The following S100A10 variants were observed in gnomAD, a reference collection of about 807,000 sequenced individuals.
S100A10 encodes protein S100-A10.
S100A10 carries 3 observed loss-of-function variants against 7.1 expected under a neutral mutation model. That is an observed-to-expected ratio of 0.42 (90% CI 0.19 to 1.10). The LOEUF (loss-of-function observed/expected upper bound fraction) is 1.10, where lower values mean the gene tolerates loss of function less well. Among genes scored for constraint, S100A10 ranks in the 50% least tolerant of loss-of-function variants. The pLI, the probability that S100A10 is intolerant of heterozygous loss-of-function variation, is 0.29. For synonymous variants in S100A10, 41 were observed against 39.3 expected, an observed-to-expected ratio of 1.04 and a Z score of -0.16; for missense variants, 101 against 118.1, an observed-to-expected ratio of 0.86 and a Z score of 0.67.
At chr1:151,983,369 G>C in intron 2 of S100A10, 45 bp from the exon 3 acceptor site, 1 of 1,297,184 alleles carries the variant, frequency 7.7e-7, no homozygotes, top group Non-Finnish European at 1.0e-6. Context: ...GTCAAAGGTT[G>C]CAATGAGGAG....
intron 1 of S100A10, among the ~76,000 whole-genome samples, chr1:151,988,791 T>C (rs1411374680): frequency 6.6e-6 from 1 of 151,772 alleles, no homozygotes; most frequent in Non-Finnish European, 1.5e-5. Context: ...TTACAGAGAG[T>C]CTGCCTTGCC....
At position 151,986,092 on chromosome 1, in the gene S100A10, C is replaced by T. The variant is rs1655781977; in HGVS notation, c.132+7G>A. On this transcript the variant is annotated splice_region_variant and intron_variant, in intron 2 of 2. Transcript: ENST00000368811. The stretch of plus-strand genomic sequence containing the variant: ...GTCTGGTTCTTTGTAAGCTTTTCAA[C>T]ACTTACTTCCAAAAATCCAGGGAAC... 2 of 1,584,658 alleles carry T rather than the reference C, an allele frequency of 1.3e-6. No homozygotes were observed. Among genetic ancestry groups the T allele is most frequent in the African/African-American group, 1.4e-5 (1 of 72,688 alleles).
intron 1 of S100A10, among the ~76,000 whole-genome samples, chr1:151,989,996 T>G (rs1291431703): frequency 1.3e-5 from 2 of 152,254 alleles, no homozygotes; most frequent in African/African-American, 4.8e-5. Flanking sequence ...TTTAAGCTTC[T>G]CTTGATTAAG....
chr1:151,983,670 A>C (rs1655740281), intron 2 of S100A10, among the ~76,000 whole-genome samples: 1 of 152,200 alleles, frequency 6.6e-6, no homozygotes, highest in Non-Finnish European at 1.5e-5. Context: ...TTAGGGAATA[A>C]GTTTTGGATC....
intron 2 of S100A10, chr1:151,984,176 A>G (rs964523715): frequency 6.6e-6 from 1 of 152,218 alleles, no homozygotes; most frequent in African/African-American, 2.4e-5. Flanking sequence ...CAGAGAGAGA[A>G]ATATGGCCTA....
chr1:151,984,313 A>G lies in S100A10; in HGVS notation c.133-989T>C, dbSNP rs184397463. 459 of 152,276 alleles carry G rather than the reference A, an allele frequency of 3.0e-3. 3 individuals are homozygous for G. The highest frequency in any genetic ancestry group is 0.01 in the African/African-American group (433 of 41,546). 9.4% of individuals were successfully genotyped at this position (152,276 alleles called of 1,614,324 possible). A position where few individuals can be genotyped will look rare whatever the true frequency, so the allele number is the denominator to read the frequency against. On this transcript the variant is annotated intron_variant, in intron 2 of 2. Transcript: ENST00000368811. ...TTCTAAATTGCACTCAGAAATTCCT[A>G]AAAGTATAGCAGCAGCATTTCCCAC... is the stretch of plus-strand genomic sequence containing the variant.
rs1274365967 is a variant in S100A10 at position 151,986,158 on chromosome 1, A to G, written c.73T>C (p.Tyr25His). The change falls in exon 2 of 3, where the codon TAC becomes CAC. Residue 25 changes from tyrosine to histidine, a missense_variant. Tyr to His is a moderately conservative substitution (Grantham distance 83, BLOSUM62 2). Transcript: ENST00000368811. Reference protein sequence around the residue: ...TFHKFAGDKGYLTKEDLRVLM... With the variant: ...TFHKFAGDKGHLTKEDLRVLM... The stretch of plus-strand genomic sequence containing the variant: ...ACTCTCAGGTCCTCCTTTGTTAAGT[A>G]GCCTTTATCCCCAGCGAATTTGTGA... 3 of 1,610,236 alleles carry G rather than the reference A, an allele frequency of 1.9e-6. 1 individual carries two copies. The South Asian group carries it at 3.3e-5, about 18-fold the overall frequency.
intron 2 of S100A10, among the ~76,000 whole-genome samples, chr1:151,983,791 TATC>T (rs1300297346): frequency 6.6e-6 from 1 of 152,234 alleles, no homozygotes; most frequent in African/African-American, 2.4e-5. Flanking sequence ...TGTGGCTTCA[TATC>T]ATATTAGCCA....
At chr1:151,983,471 T>G (rs1409062743) in intron 2 of S100A10, 147 bp from the exon 3 acceptor site, 1 of 406,628 alleles carries the variant, frequency 2.5e-6, no homozygotes, top group Non-Finnish European at 4.2e-6. Flanking sequence ...GGAGTTCATC[T>G]AAATGTATTT....
chr1:151,986,242 C>G lies in S100A10; in HGVS notation c.-12G>C. The G allele has an allele frequency of 6.3e-7, 1 of 1,592,760 alleles. No individual in the cohort carries two copies. Among genetic ancestry groups the G allele is most frequent in the Non-Finnish European group, 8.5e-7 (1 of 1,172,806 alleles). Reference sequence around the variant, plus strand: ...ATTTGAGATGGCATTTTGGTGTGGTCCGTTGAAGCCTATTAAAGGATGTAA... The same window carrying G: ...ATTTGAGATGGCATTTTGGTGTGGTGCGTTGAAGCCTATTAAAGGATGTAA... On this transcript the variant is annotated 5_prime_UTR_variant, in exon 2 of 3. Transcript: ENST00000368811.
chr1:151,990,236 G>A (rs1655877914), intron 1 of S100A10, among the ~76,000 whole-genome samples: 2 of 152,206 alleles, frequency 1.3e-5, no homozygotes, highest in South Asian at 4.1e-4. Context: ...GAGTACACAG[G>A]AGTGCACATT....
At chr1:151,983,397 G>T in intron 2 of S100A10, 73 bp from the exon 3 acceptor site, 1 of 963,496 alleles carries the variant, frequency 1.0e-6, no homozygotes, top group East Asian at 2.6e-5. Context: ...GATTTGTACT[G>T]CTGAGAACTG....
chr1:151,992,866 G>A (rs1348661479), intron 1 of S100A10, among the ~76,000 whole-genome samples: 2 of 60,716 alleles, frequency 3.3e-5, no homozygotes, highest in Non-Finnish European at 6.6e-5. Flanking sequence ...AGGCAGAGCT[G>A]GACTGAGGCT....
At position 151,986,605 on chromosome 1, in the gene S100A10, A is replaced by C. The variant is rs183440470; in HGVS notation, c.-21-354T>G. Among the ~76,000 whole-genome samples, 268 of 152,358 alleles carry C rather than the reference A, an allele frequency of 1.8e-3. 6 individuals are homozygous for C. In the East Asian group the frequency reaches 0.027, roughly 15 times the overall value. ...GACCAATAGCTCCTCAACATCACTC[A>C]AATGCAATCACCCCAGCCCATTCTA... On this transcript the variant is annotated intron_variant, in intron 1 of 2. Transcript: ENST00000368811.
chr1:151,988,455 C>T (rs1461544014), intron 1 of S100A10, among the ~76,000 whole-genome samples: 3 of 152,194 alleles, frequency 2.0e-5, no homozygotes, highest in African/African-American at 4.8e-5. Flanking sequence ...CTGTTCAACA[C>T]TGATTCTCAA....
At chr1:151,987,248 C>T (rs1382076520) in intron 1 of S100A10, among the ~76,000 whole-genome samples, 4 of 151,932 alleles carry the variant, frequency 2.6e-5, no homozygotes, top group Admixed American at 2.6e-4. Flanking sequence ...TCAGGTGATC[C>T]GCCCACCTCG....
rs368494535 is a variant in S100A10 at position 151,986,173 on chromosome 1, C to G, written c.58G>C (p.Ala20Pro). The change falls in exon 2 of 3, where the codon GCT (alanine) becomes CCT (proline). Residue 20 changes from alanine to proline, a missense_variant. Physicochemically the swap from Ala to Pro is conservative, Grantham distance 27 (BLOSUM62 -1). Coordinates refer to ENST00000368811, the MANE Select transcript of S100A10 (RefSeq NM_002966.3). The part of the protein sequence containing the change: ...ETMMFTFHKF[A>P]GDKGYLTKED... ...TTTGTTAAGTAGCCTTTATCCCCAG[C>G]GAATTTGTGAAATGTAAACATCATG... 6 of 1,609,892 alleles carry G rather than the reference C, an allele frequency of 3.7e-6. No individual in the cohort carries two copies. Among genetic ancestry groups the G allele is most frequent in the Non-Finnish European group, 5.1e-6 (6 of 1,178,728 alleles).
intron 1 of S100A10, among the ~76,000 whole-genome samples, chr1:151,988,086 T>C (rs1655833542): frequency 6.6e-6 from 1 of 152,166 alleles, no homozygotes; most frequent in South Asian, 2.1e-4. Context: ...TCATGAAGCG[T>C]TTATAAGAAA....
intron 1 of S100A10, among the ~76,000 whole-genome samples, chr1:151,989,099 T>C (rs11204922): frequency 0.34 from 50,919 of 151,976 alleles, 10,025 homozygotes; most frequent in East Asian, 0.65. Context: ...ACCTCTAAAT[T>C]TTAAAAAGGC....
Sources: allele counts gnomAD v4.1 joint callset (sites outside exome capture counted in the v4.1 genomes callset), GRCh38; gene constraint gnomAD v4.1.1; transcripts MANE v1.5; gene names NCBI Gene and HGNC (gene_info 2026-07-23, HGNC 2026-07-21).